SH2B2: variants seen among roughly 807,000 people sequenced by gnomAD.
SH2B2 encodes the protein SH2B adapter protein 2.
Under a neutral mutation model 35.7 loss-of-function variants are expected in SH2B2, and 37 were observed. That is an observed-to-expected ratio of 1.04 (90% CI 0.80 to 1.36). The LOEUF is 1.36. Among genes scored for constraint, SH2B2 ranks in the 40% most tolerant of loss-of-function variants. The probability of loss-of-function intolerance (pLI) is 0.00; values close to 1 mark genes in which losing one functional copy is unlikely to be tolerated. For missense variants in SH2B2, 852 were observed against 817.7 expected, an observed-to-expected ratio of 1.04 and a Z score of -0.51; for synonymous variants, 383 against 376.4, an observed-to-expected ratio of 1.02 and a Z score of -0.20.
chr7:102,297,394 TACACACACACACACACAC>T lies in SH2B2; in HGVS notation c.-29-3109_-29-3092del, dbSNP rs3988122. The stretch of plus-strand genomic sequence containing the variant: ...CATCAATAGAGTGAGATCCCATCTC[TACACACACACACACACAC>T]ACACACACACACACACACGCAGTAT... On this transcript the variant is annotated intron_variant, in intron 1 of 8. Coordinates refer to ENST00000444095, the MANE Select transcript of SH2B2 (RefSeq NM_001359228.2). This position sits in a 1 kb window ranked among gnomAD's most constrained non-coding sequence, Gnocchi z 4.3. 2.8e-5 allele frequency among the ~76,000 whole-genome samples: 4 copies of T among 144,456 alleles called. No individual in the cohort carries two copies. The highest frequency in any genetic ancestry group is 4.5e-5 in the Non-Finnish European group (3 of 66,060). 94.8% of individuals were successfully genotyped at this position (144,456 alleles called of 152,430 possible). A position where few individuals can be genotyped will look rare whatever the true frequency, so the allele number is the denominator to read the frequency against.
intron 7 of SH2B2, 76 bp from the exon 8 acceptor site, chr7:102,320,254 TC>T: frequency 8.0e-7 from 1 of 1,250,916 alleles, no homozygotes; most frequent in East Asian, 2.3e-5. Context: ...CCTTGGTCCT[TC>T]CATCAACCCC....
chr7:102,321,387 G>C lies in SH2B2; in HGVS notation c.1656G>C (p.Ala552=). The C allele has an allele frequency of 7.2e-7, 1 of 1,388,088 alleles. No individual in the cohort carries two copies. The highest frequency in any genetic ancestry group is 9.3e-7 in the Non-Finnish European group (1 of 1,070,884). The allele number at this position is 1,388,088 out of a possible 1,614,324, so 86.0% of individuals were successfully genotyped here. Residue 552 remains alanine (A), a synonymous_variant, in exon 9 of 9, where the codon GCG becomes GCC. Transcript: ENST00000444095. ...PGQHYFSSLA[A]AACPPASPSD... ...AGCACTACTTCTCCAGCCTCGCCGC[G>C]GCCGCCTGCCCGCCTGCCTCGCCCT...
At chr7:102,301,463 AC>A (rs1276670622) in intron 2 of SH2B2, among the ~76,000 whole-genome samples, 184 bp downstream of exon 2, 1 of 147,436 alleles carries the variant, frequency 6.8e-6, no homozygotes, top group Non-Finnish European at 1.5e-5. Context: ...CACCCCTTCA[AC>A]CCCGGTTCTT....
At position 102,300,793 on chromosome 7, in the gene SH2B2, G is replaced by A. The variant is rs1793130620; in HGVS notation, c.243G>A (p.Leu81=). 6.6e-7 allele frequency: 1 copy of A among 1,509,676 alleles called. No homozygotes were observed. The highest frequency in any genetic ancestry group is 8.9e-7 in the Non-Finnish European group (1 of 1,124,052). 93.5% of individuals were successfully genotyped at this position (1,509,676 alleles called of 1,614,324 possible). The change falls in exon 2 of 9, where the codon CTG becomes CTA. Residue 81 remains leucine, a synonymous_variant. Coordinates refer to ENST00000444095, the MANE Select transcript of SH2B2 (RefSeq NM_001359228.2). ...DVFGEEVRRV[L]VAGPTTRGAA... ...TCGGCGAGGAGGTGCGCCGCGTGCT[G>A]GTGGCTGGGCCGACGACTCGGGGCG...
Position 102,287,086 on chromosome 7 carries a change from C to T in SH2B2, c.-38C>T, listed in dbSNP as rs1347759753. 6.6e-6 allele frequency: 1 copy of T among 151,902 alleles called. No homozygotes were observed. The highest frequency in any genetic ancestry group is 1.5e-5 in the Non-Finnish European group (1 of 67,964). 9.4% of individuals were successfully genotyped at this position (151,902 alleles called of 1,614,324 possible). On this transcript the variant is annotated 5_prime_UTR_variant, in exon 1 of 9. Transcript: ENST00000444095. ...CCCAGCCCGCTCGGCCGCAGCTGCG[C>T]GCCTGTAGGTATGGCCTCCTTATAC... is the stretch of plus-strand genomic sequence containing the variant.
At chr7:102,314,191 C>A (rs1427416205) in intron 4 of SH2B2, 145 bp from the exon 5 acceptor site, 4 of 397,276 alleles carry the variant, frequency 1.0e-5, no homozygotes, top group Non-Finnish European at 1.8e-5. Context: ...GACAGAGGGA[C>A]ATGGAGGCAG....
At chr7:102,320,969 G>A (rs1470535484) in intron 8 of SH2B2, among the ~76,000 whole-genome samples, 2 of 152,166 alleles carry the variant, frequency 1.3e-5, no homozygotes, top group Non-Finnish European at 2.9e-5. Context: ...GCTTACGTGT[G>A]CGTGTGTGCG....
intron 1 of SH2B2, among the ~76,000 whole-genome samples, chr7:102,298,790 G>A (rs1219482262): frequency 6.6e-6 from 1 of 151,954 alleles, no homozygotes; most frequent in Non-Finnish European, 1.5e-5. Flanking sequence ...CTAGTCTTGA[G>A]CTCCTGAGCT....
At chr7:102,309,237 G>A (rs1554555491) in intron 4 of SH2B2, 1 of 498,702 alleles carries the variant, frequency 2.0e-6, no homozygotes, top group African/African-American at 1.9e-5. Context: ...TGGGGGCCTG[G>A]TGCAGTGGCT....
chr7:102,285,409 C>A (rs181639120), upstream of SH2B2, among the ~76,000 whole-genome samples: 15 of 152,314 alleles, frequency 9.8e-5, no homozygotes, highest in Middle Eastern at 3.4e-3. Flanking sequence ...CCCAACCAGG[C>A]GTGCAGGCCT....
chr7:102,317,110 C>G, intron 6 of SH2B2, 77 bp from the exon 7 acceptor site: 1 of 1,183,348 alleles, frequency 8.5e-7, no homozygotes, highest in Non-Finnish European at 1.2e-6. Flanking sequence ...CAAGACGTCA[C>G]CTCTCTTCTC....
chr7:102,293,655 A>G (rs1792787690), intron 1 of SH2B2, among the ~76,000 whole-genome samples: 1 of 151,984 alleles, frequency 6.6e-6, no homozygotes, highest in Non-Finnish European at 1.5e-5. Flanking sequence ...TCCTCAGAGA[A>G]GCAGCCTGTG....
intron 2 of SH2B2, among the ~76,000 whole-genome samples, chr7:102,306,381 A>G (rs1793400355): frequency 6.6e-6 from 1 of 151,636 alleles, no homozygotes; most frequent in South Asian, 2.1e-4. Context: ...GAGCCACCGC[A>G]CCCAGCCCAT....
intron 6 of SH2B2, among the ~76,000 whole-genome samples, chr7:102,316,932 T>C (rs1793853156): frequency 6.6e-6 from 1 of 151,646 alleles, no homozygotes; most frequent in Admixed American, 6.6e-5. Flanking sequence ...GGCAGGAGAA[T>C]CGCTTGAACC....
intron 7 of SH2B2, among the ~76,000 whole-genome samples, chr7:102,318,854 G>C (rs1427209314): frequency 6.6e-6 from 1 of 152,160 alleles, no homozygotes; most frequent in African/African-American, 2.4e-5. Context: ...CCCTGGTGAC[G>C]TGCAATTTAC....
At chr7:102,300,467 G>T in intron 1 of SH2B2, 55 bp from the exon 2 acceptor site, 1 of 1,474,772 alleles carries the variant, frequency 6.8e-7, no homozygotes, top group African/African-American at 1.4e-5. Flanking sequence ...GGAGGGGACA[G>T]GTGGGCGCAT....
rs1586587670 is a variant in SH2B2, at chr7:102,306,662, G to T, written c.730-59G>T. The T allele has an allele frequency of 1.0e-5, 13 of 1,257,042 alleles. No homozygotes were observed. The East Asian group carries it at 3.3e-4, about 32-fold the overall frequency. 77.9% of individuals were successfully genotyped at this position (1,257,042 alleles called of 1,614,324 possible). ...ACTCTAACACCTGGCAGCGGGGAGG[G>T]GATGGAAAGGGTGTCGGGAAATGCT... On this transcript the variant is annotated intron_variant, in intron 2 of 8. Coordinates refer to ENST00000444095, the MANE Select transcript of SH2B2 (RefSeq NM_001359228.2).
At chr7:102,317,051 C>A (rs2023407) in intron 6 of SH2B2, 136 bp from the exon 7 acceptor site, 225,813 of 757,386 alleles carry the variant, frequency 0.3, 35,357 homozygotes, top group Middle Eastern at 0.43. Flanking sequence ...AAAAACCAAC[C>A]AACTTTTTAA....
At chr7:102,291,764 C>T (rs1228534869) in intron 1 of SH2B2, among the ~76,000 whole-genome samples, 1 of 152,166 alleles carries the variant, frequency 6.6e-6, no homozygotes, top group Non-Finnish European at 1.5e-5. Flanking sequence ...TGAAAACCAA[C>T]GCCCACGTAT....
Sources: gnomAD v4.1 joint callset for allele counts (sites outside exome capture counted in the v4.1 genomes callset) on GRCh38, gnomAD v4.1.1 for gene constraint, Gnocchi (gnomAD v3.1) non-coding constraint, MANE v1.5 for transcripts, NCBI Gene and HGNC (gene_info 2026-07-23, HGNC 2026-07-21) for gene names.